Variants in MASP2 observed in about 807,000 individuals in gnomAD.
MASP2 encodes MBL associated serine protease 2.
Under a neutral mutation model 57.1 loss-of-function variants are expected in MASP2, and 49 were observed. That is an observed-to-expected ratio of 0.86 (90% CI 0.68 to 1.09). The LOEUF is 1.09. Among genes scored for constraint, MASP2 ranks in the 50% least tolerant of loss-of-function variants. The pLI, the probability that MASP2 is intolerant of heterozygous loss-of-function variation, is 0.00. For synonymous variants in MASP2, 379 were observed against 340.8 expected, an observed-to-expected ratio of 1.11 and a Z score of -1.24; for missense variants, 900 against 874.8, an observed-to-expected ratio of 1.03 and a Z score of -0.36.
chr1:11,047,053 T>C lies in MASP2; in HGVS notation c.72A>G (p.Glu24=). 6.4e-7 allele frequency: 1 copy of C among 1,550,696 alleles called. No homozygotes were observed. The highest frequency in any genetic ancestry group is 1.2e-5 in the South Asian group (1 of 84,056). ...GGGATGCCAGGCGCCCGAACACAGG[T>C]TCAGGCCACTTCGGGCCCAAGGGGG... The part of the protein sequence containing the change: ...VATPLGPKWP[E]PVFGRLASPG... The change falls in exon 2 of 11, where the codon GAA becomes GAG. Residue 24 remains glutamate, a synonymous_variant. Transcript: ENST00000400897.
chr1:11,047,004 T>G lies in MASP2; in HGVS notation c.121A>C (p.Asn41His), dbSNP rs77977199. Residue 41 changes from asparagine (N) to histidine (H), a missense_variant, in exon 2 of 11, where the codon AAT (asparagine) becomes CAT (histidine). Transcript: ENST00000400897. ...AGGGTCCAGCGCCGCTCCTGGTCAT[T>G]GGCATACTCCCCTGGAAAGCCGGGG... The part of the protein sequence containing the change: ...ASPGFPGEYA[N>H]DQERRWTLTA... 8 of 1,553,798 alleles carry G rather than the reference T, an allele frequency of 5.1e-6. No individual in the cohort carries two copies. Among genetic ancestry groups the G allele is most frequent in the Non-Finnish European group, 7.0e-6 (8 of 1,148,370 alleles).
Position 11,027,193 on chromosome 1 carries a change from G to A in MASP2, c.1753C>T (p.Leu585=). ...ACAATCGGTATGTCGACATACATTAGATTTCTAGCAAGAAAACCCCTTTGG... is the reference window on the plus strand; with the variant it reads ...ACAATCGGTATGTCGACATACATTAAATTTCTAGCAAGAAAACCCCTTTGG... ...LTQRGFLARN[L]MYVDIPIVDH... is the part of the protein sequence containing the mutation. The change falls in exon 11 of 11, where the codon CTA becomes TTA. Residue 585 remains leucine (L), a synonymous_variant. Transcript: ENST00000400897. The A allele has an allele frequency of 6.2e-7, 1 of 1,614,188 alleles. No homozygotes were observed. Among genetic ancestry groups the A allele is most frequent in the East Asian group, 2.2e-5 (1 of 44,884 alleles).
At chr1:11,040,196 C>T (rs189839283) in intron 6 of MASP2, among the ~76,000 whole-genome samples, 13 of 149,258 alleles carry the variant, frequency 8.7e-5, no homozygotes, top group African/African-American at 1.2e-4. Context: ...TGGGGCTGGG[C>T]GCGGTGGCTC....
chr1:11,035,491 C>T (rs1643880132), intron 7 of MASP2, among the ~76,000 whole-genome samples: 1 of 151,968 alleles, frequency 6.6e-6, no homozygotes, highest in South Asian at 2.1e-4. Flanking sequence ...TGCAACACTG[C>T]ACTCCAGCCT....
chr1:11,032,989 T>C (rs2100880455), intron 8 of MASP2, among the ~76,000 whole-genome samples: 1 of 152,344 alleles, frequency 6.6e-6, no homozygotes, highest in East Asian at 1.9e-4. Context: ...CATAATTTTC[T>C]GTATTTTCCA....
chr1:11,027,093 C>G lies in MASP2; in HGVS notation c.1853G>C (p.Cys618Ser), dbSNP rs764932450. 60 of 1,603,440 alleles carry G rather than the reference C, an allele frequency of 3.7e-5. No homozygotes were observed. Among genetic ancestry groups the G allele is most frequent in the Non-Finnish European group, 5.0e-5 (59 of 1,174,424 alleles). ...PRGSVTANML[C>S]AGLESGGKDS... ...CTTGCCCCCACTTTCTAAGCCAGCA[C>G]AAAGCATGTTAGCAGTTACACTTCC... is the stretch of plus-strand genomic sequence containing the variant. Residue 618 changes from cysteine to serine, a missense_variant, in exon 11 of 11, where the codon TGT (cysteine) becomes TCT (serine). Coordinates refer to ENST00000400897, the MANE Select transcript of MASP2 (RefSeq NM_006610.4).
At position 11,037,755 on chromosome 1, in the gene MASP2, C is replaced by T; in HGVS notation, c.946G>A (p.Ala316Thr). The T allele has an allele frequency of 6.2e-7, 1 of 1,613,372 alleles. No individual in the cohort carries two copies. Among genetic ancestry groups the T allele is most frequent in the Non-Finnish European group, 8.5e-7 (1 of 1,179,748 alleles). ...AAGCTGTCTTTCAGGATGTATTTGG[C>T]TTGCACAGGTGAAACGTGGCCATTA... is the stretch of plus-strand genomic sequence containing the variant. ...PPNGHVSPVQ[A>T]KYILKDSFSI... Residue 316 changes from alanine (A) to threonine (T), a missense_variant, in exon 7 of 11, where the codon GCC becomes ACC. By Grantham distance (58) the Ala-to-Thr change is moderately conservative (BLOSUM62 0). Transcript: ENST00000400897.
Position 11,047,108 on chromosome 1 carries a change from A to G in MASP2, c.17T>C (p.Leu6Pro). 6.5e-7 allele frequency: 1 copy of G among 1,550,032 alleles called. No individual in the cohort carries two copies. Among genetic ancestry groups the G allele is most frequent in the Non-Finnish European group, 8.7e-7 (1 of 1,146,650 alleles). ...CACCGAGCCACACAGAAGGCCCAGG[A>G]GGGTCAGCAGCCTATGGGCAGGGCA... MRLLT[L>P]LGLLCGSVAT... Residue 6 changes from leucine (L) to proline (P), a missense_variant, in exon 2 of 11, where the codon CTC (leucine) becomes CCC (proline). Coordinates refer to ENST00000400897, the MANE Select transcript of MASP2 (RefSeq NM_006610.4).
At chr1:11,037,095 C>G (rs1008419405) in intron 7 of MASP2, among the ~76,000 whole-genome samples, 2 of 152,116 alleles carry the variant, frequency 1.3e-5, no homozygotes, top group African/African-American at 4.8e-5. Flanking sequence ...CTCTGTCACC[C>G]AGGCTGGAGT....
At position 11,026,771 on chromosome 1, in the gene MASP2, G is replaced by A; in HGVS notation, c.*114C>T. On this transcript the variant is annotated 3_prime_UTR_variant, in exon 11 of 11. Transcript: ENST00000400897. ...TCACCTGGAGTCTGTTTTTTTGGGT[G>A]GAGCAACAACTGCCATGTCCACAGT... The A allele has an allele frequency of 2.3e-6, 2 of 856,996 alleles. No individual in the cohort carries two copies. The highest frequency in any genetic ancestry group is 3.3e-6 in the Non-Finnish European group (2 of 598,880). 53.1% of individuals were successfully genotyped at this position (856,996 alleles called of 1,614,324 possible). A position where few individuals can be genotyped will look rare whatever the true frequency, so the allele number is the denominator to read the frequency against.
chr1:11,039,865 A>AGGATGGAT (rs754881060), intron 6 of MASP2, among the ~76,000 whole-genome samples: 5,901 of 125,024 alleles, frequency 0.047, 378 homozygotes, highest in African/African-American at 0.14. Context: ...GGTGGATAGA[A>AGGATGGAT]GGATGGATGG....
Position 11,043,325 on chromosome 1 carries a change from C to T in MASP2, c.741+14G>A. ...GGAGGATCTGGGACAAGATGAGGGG[C>T]CCAGGAGCCAGACCTTGAGAAAGTC... On this transcript the variant is annotated intron_variant, in intron 5 of 10. Coordinates refer to ENST00000400897, the MANE Select transcript of MASP2 (RefSeq NM_006610.4). The T allele has an allele frequency of 1.3e-6, 2 of 1,594,768 alleles. No homozygotes were observed. Among genetic ancestry groups the T allele is most frequent in the South Asian group, 1.1e-5 (1 of 88,300 alleles).
intron 6 of MASP2, among the ~76,000 whole-genome samples, chr1:11,042,608 A>C (rs1340417845): frequency 6.6e-6 from 1 of 151,878 alleles, no homozygotes; most frequent in Admixed American, 6.6e-5. Flanking sequence ...AGTGGACAGA[A>C]GGATGGGTGG....
chr1:11,037,133 A>G (rs1178486157), intron 7 of MASP2, among the ~76,000 whole-genome samples: 1 of 152,120 alleles, frequency 6.6e-6, no homozygotes, highest in Non-Finnish European at 1.5e-5. Context: ...GCTCACCGCA[A>G]CCTGCGCCTC....
chr1:11,027,718 C>A, intron 10 of MASP2, 70 bp from the exon 11 acceptor site: 2 of 1,486,880 alleles, frequency 1.3e-6, no homozygotes, highest in South Asian at 1.3e-5. Flanking sequence ...AAATTATGAC[C>A]GCCTTGAAGT....
chr1:11,043,322 G>T lies in MASP2; in HGVS notation c.741+17C>A. ...GGGGGAGGATCTGGGACAAGATGAGGGGCCCAGGAGCCAGACCTTGAGAAA... is the reference window on the plus strand; with the variant it reads ...GGGGGAGGATCTGGGACAAGATGAGTGGCCCAGGAGCCAGACCTTGAGAAA... On this transcript the variant is annotated intron_variant, in intron 5 of 10. Transcript: ENST00000400897. 1.9e-6 allele frequency: 3 copies of T among 1,593,070 alleles called. No homozygotes were observed. The highest frequency in any genetic ancestry group is 2.6e-6 in the Non-Finnish European group (3 of 1,168,782).
At position 11,045,531 on chromosome 1, in the gene MASP2, C is replaced by T. The variant is rs773222632; in HGVS notation, c.421G>A (p.Glu141Lys). 23 of 1,606,126 alleles carry T rather than the reference C, an allele frequency of 1.4e-5. No individual in the cohort carries two copies. Among genetic ancestry groups the T allele is most frequent in the Middle Eastern group, 1.7e-4 (1 of 5,780 alleles). The change falls in exon 4 of 11, where the codon GAG becomes AAG. Residue 141 changes from glutamate to lysine, a missense_variant. By Grantham distance (56) the Glu-to-Lys change is moderately conservative. Transcript: ENST00000400897. ...EAFYAAEDID[E>K]CQVAPGEAPT... ...GCCTCTCCCGGGGCCACCTGGCACT[C>T]GTCAATGTCTGGGGGAGAGGCAGGG... is the stretch of plus-strand genomic sequence containing the variant.
In MASP2 at chr1:11,030,249, AC is replaced by A. The variant is rs1204644269; in HGVS notation, c.1223del (p.Gly408ValfsTer54). 11 of 1,611,998 alleles carry A rather than the reference AC, an allele frequency of 6.8e-6. No individual in the cohort carries two copies. The highest frequency in any genetic ancestry group is 9.3e-6 in the Non-Finnish European group (11 of 1,179,114). On this transcript the variant is annotated frameshift_variant and splice_region_variant, in exon 10 of 11. Coordinates refer to ENST00000400897, the MANE Select transcript of MASP2 (RefSeq NM_006610.4). LOFTEE classifies it high-confidence loss of function. ...ATCCATCAGCCTCACACACATATTT[AC>A]CTGCAAATCATTGGAAAAGCAAAAA... ...ETFYTMKVND[G>X]KYVCEADGFW...
chr1:11,043,307 C>A, intron 5 of MASP2, 32 bp downstream of exon 5: 1 of 1,574,610 alleles, frequency 6.4e-7, no homozygotes, highest in South Asian at 1.2e-5. Context: ...GGGGGAGGAT[C>A]TGGGACAAGA....
Sources: gnomAD v4.1 joint callset for allele counts (sites outside exome capture counted in the v4.1 genomes callset) on GRCh38, gnomAD v4.1.1 for gene constraint, MANE v1.5 for transcripts, NCBI Gene and HGNC (gene_info 2026-07-23, HGNC 2026-07-21) for gene names.